The following CDH13 variants were observed in gnomAD, a reference collection of about 807,000 sequenced individuals.
The protein encoded by CDH13 is cadherin-13.
CDH13 carries 24 observed loss-of-function variants against 63.8 expected under a neutral mutation model. The ratio of observed to expected loss-of-function variants is 0.38; its 90% CI spans 0.27 to 0.53. The LOEUF (loss-of-function observed/expected upper bound fraction) is 0.53. Among genes scored for constraint, CDH13 ranks in the 20% least tolerant of loss-of-function variants. The pLI is 0.85. For missense variants in CDH13, 1,049 were observed against 903.1 expected (o/e 1.16, Z -2.07); for synonymous variants, 503 against 355.3 (o/e 1.42, Z -4.67).
At chr16:83,074,809 A>G (rs540059962) in intron 3 of CDH13, among the ~76,000 whole-genome samples, 6 of 152,326 alleles carry the variant, frequency 3.9e-5, no homozygotes, top group African/African-American at 9.6e-5. Flanking sequence ...GTTCCTGATA[A>G]ATAGTCCATA....
chr16:83,167,499 CAAAAAA>C (rs11430454), intron 4 of CDH13, among the ~76,000 whole-genome samples: 35 of 99,520 alleles, frequency 3.5e-4, no homozygotes, highest in South Asian at 2.1e-3. Flanking sequence ...GACCCTTTCC[CAAAAAA>C]AAAAAAAAAA....
chr16:83,295,656 T>C (rs975309675), intron 5 of CDH13, among the ~76,000 whole-genome samples: 1 of 152,170 alleles, frequency 6.6e-6, no homozygotes, highest in Non-Finnish European at 1.5e-5. Flanking sequence ...ATGGCTGTTA[T>C]CAAAAAGATA....
chr16:83,553,741 G>C (rs2075553280), intron 7 of CDH13, among the ~76,000 whole-genome samples: 1 of 152,172 alleles, frequency 6.6e-6, no homozygotes, highest in Admixed American at 6.5e-5. Flanking sequence ...ATTTTTAGTA[G>C]AGATGGGGTT....
In CDH13 at chr16:83,672,886, T is replaced by A. The variant is rs142856595; in HGVS notation, c.1284+1914T>A. On this transcript the variant is annotated intron_variant, in intron 9 of 13. Coordinates refer to ENST00000567109, the MANE Select transcript of CDH13 (RefSeq NM_001257.5). ...CTGACAGATTTTATAGACTCAGGAC[T>A]AGCCACGGAGGACAGCCAGTGGCTA... is the stretch of plus-strand genomic sequence containing the variant. Among the ~76,000 whole-genome samples, 11 of 152,358 alleles carry A rather than the reference T, an allele frequency of 7.2e-5. No individual in the cohort carries two copies. The East Asian group carries it at 1.9e-3, about 27-fold the overall frequency.
intron 4 of CDH13, among the ~76,000 whole-genome samples, chr16:83,214,147 C>G (rs2039423853): frequency 6.6e-6 from 1 of 152,104 alleles, no homozygotes; most frequent in Admixed American, 6.5e-5. Flanking sequence ...ACAGTAAATA[C>G]TGCTGCTGGC....
At chr16:83,328,440 C>T (rs1040657589) in intron 5 of CDH13, among the ~76,000 whole-genome samples, 2 of 152,108 alleles carry the variant, frequency 1.3e-5, no homozygotes, top group Non-Finnish European at 2.9e-5. Flanking sequence ...CCTTGCAGGC[C>T]ACAGTGAGAA....
intron 5 of CDH13, among the ~76,000 whole-genome samples, chr16:83,258,655 C>A (rs1906580286): frequency 6.6e-6 from 1 of 152,176 alleles, no homozygotes; most frequent in Non-Finnish European, 1.5e-5. Flanking sequence ...GACGTGGTGG[C>A]AAACTCATTA....
At chr16:83,403,664 C>T (rs993002224) in intron 6 of CDH13, among the ~76,000 whole-genome samples, 3 of 152,018 alleles carry the variant, frequency 2.0e-5, no homozygotes, top group African/African-American at 7.3e-5. Context: ...ATGTAGAAAC[C>T]TTTGGGGGAG....
At chr16:83,527,376 G>C (rs1403293758) in intron 7 of CDH13, among the ~76,000 whole-genome samples, 1 of 151,912 alleles carries the variant, frequency 6.6e-6, no homozygotes, top group East Asian at 1.9e-4. Context: ...GTGAACCCAG[G>C]AGGCAGAGCT....
intron 3 of CDH13, among the ~76,000 whole-genome samples, chr16:83,105,148 G>A (rs1425380683): frequency 6.6e-6 from 1 of 152,210 alleles, no homozygotes; most frequent in African/African-American, 2.4e-5. Context: ...GCTATTTTAA[G>A]AGGAGGATCG....
At chr16:83,296,473 GAA>G (rs2089600145) in intron 5 of CDH13, among the ~76,000 whole-genome samples, 1 of 152,144 alleles carries the variant, frequency 6.6e-6, no homozygotes, top group African/African-American at 2.4e-5. Context: ...GACGTATTTG[GAA>G]AGGGGAGAGG....
chr16:82,887,803 C>G (rs998583182), intron 2 of CDH13, among the ~76,000 whole-genome samples: 3 of 151,890 alleles, frequency 2.0e-5, no homozygotes, highest in Admixed American at 6.6e-5. Flanking sequence ...GCCTGGGTAA[C>G]AGAGTGAGAC....
chr16:82,731,001 C>G (rs1035538797), intron 1 of CDH13, among the ~76,000 whole-genome samples: 1 of 152,102 alleles, frequency 6.6e-6, no homozygotes, highest in African/African-American at 2.4e-5. Context: ...TTATTTAGTC[C>G]TATTATTTAT....
At position 83,260,621 on chromosome 16, in the gene CDH13, G is replaced by C. The variant is rs16959985; in HGVS notation, c.636+43124G>C. Among the ~76,000 whole-genome samples the C allele has an allele frequency of 5.8e-3, 889 of 152,274 alleles. 8 individuals are homozygous for C. Among genetic ancestry groups the C allele is most frequent in the African/African-American group, 0.021 (852 of 41,552 alleles). On this transcript the variant is annotated intron_variant, in intron 5 of 13. Coordinates refer to ENST00000567109, the MANE Select transcript of CDH13 (RefSeq NM_001257.5). ...GCTCCCAGGTGATGCTGATACTGCT[G>C]CTCCCCAAAGTGCGTTAGGCCATAC...
chr16:83,364,589 A>G (rs894301615), intron 6 of CDH13, among the ~76,000 whole-genome samples: 2 of 152,194 alleles, frequency 1.3e-5, no homozygotes, highest in African/African-American at 4.8e-5. Flanking sequence ...ATAGGTTTTT[A>G]CCATTGGCCC....
chr16:83,102,924 C>CTTTTTTTTTTTT (rs1181514349), intron 3 of CDH13, among the ~76,000 whole-genome samples: 1 of 58,428 alleles, frequency 1.7e-5, no homozygotes, highest in Non-Finnish European at 3.4e-5. Flanking sequence ...TTTTTTTTTT[C>CTTTTTTTTTTTT]TTTTTCTTTT....
At chr16:83,000,434 G>C (rs1164105549) in intron 2 of CDH13, among the ~76,000 whole-genome samples, 1 of 150,522 alleles carries the variant, frequency 6.6e-6, no homozygotes, top group Non-Finnish European at 1.5e-5. Flanking sequence ...ATTTGTCGTA[G>C]AGACACGGTT....
At chr16:83,602,120 AAAAAAAAAAAAAAAAAAAAAAAACC>A (rs1907886880) in intron 7 of CDH13, among the ~76,000 whole-genome samples, 1 of 119,156 alleles carries the variant, frequency 8.4e-6, no homozygotes, top group African/African-American at 3.8e-5. Flanking sequence ...AAAAAAAAAA[AAAAAAAAAAAAAAAAAAAAAAAACC>A]CAAAGGACAA....
At chr16:83,472,965 G>A (rs1420204926) in intron 6 of CDH13, among the ~76,000 whole-genome samples, 17 of 152,156 alleles carry the variant, frequency 1.1e-4, no homozygotes, top group Non-Finnish European at 4.4e-5. Context: ...ACGGTGGAGA[G>A]AAATGAATCC....
Sources: gnomAD v4.1 joint callset for allele counts (sites outside exome capture counted in the v4.1 genomes callset) on GRCh38, gnomAD v4.1.1 for gene constraint, MANE v1.5 for transcripts, NCBI Gene and HGNC (gene_info 2026-07-23, HGNC 2026-07-21) for gene names.